Variants in NEK10 observed in about 807,000 individuals in gnomAD.
NEK10 encodes serine/threonine-protein kinase Nek10.
In NEK10, 122 loss-of-function variants were observed where a neutral mutation model predicts 159.8. That is an observed-to-expected ratio of 0.76 (90% CI 0.66 to 0.89). NEK10 has a LOEUF of 0.89. Among genes scored for constraint, NEK10 ranks in the 40% least tolerant of loss-of-function variants. NEK10 has a pLI of 0.00. For synonymous variants in NEK10, 466 were observed against 457.1 expected (o/e 1.02, Z -0.25); for missense variants, 1,342 against 1,323.1 (o/e 1.01, Z -0.22).
intron 32 of NEK10, among the ~76,000 whole-genome samples, chr3:27,120,378 C>T (rs1245760064): frequency 6.6e-6 from 1 of 151,060 alleles, no homozygotes; most frequent in Non-Finnish European, 1.5e-5. Context: ...GGCTGCAGTG[C>T]AGTGGCACAA....
chr3:27,340,683 C>T (rs745957188), intron 5 of NEK10, among the ~76,000 whole-genome samples: 1 of 152,054 alleles, frequency 6.6e-6, no homozygotes, highest in Non-Finnish European at 1.5e-5. Context: ...GTTAGAACAG[C>T]TATGATTAAA....
chr3:27,286,935 T>A (rs1446630550), intron 20 of NEK10, among the ~76,000 whole-genome samples: 2 of 151,946 alleles, frequency 1.3e-5, no homozygotes, highest in African/African-American at 4.8e-5. Flanking sequence ...TGGGTAAAAT[T>A]GTAACAAATG....
chr3:27,288,577 T>C lies in NEK10; in HGVS notation c.1744-834A>G, dbSNP rs530257687. Among the ~76,000 whole-genome samples the C allele has an allele frequency of 4.6e-5, 7 of 152,346 alleles. No homozygotes were observed. In the South Asian group the frequency reaches 1.0e-3, roughly 23 times the overall value. On this transcript the variant is annotated intron_variant, in intron 19 of 35. Transcript: ENST00000691995. ...AGAGTTGGGTTCAATCTCTCTCCTC[T>C]ATTACAATAGTTTGACTTCTATTGC...
chr3:27,278,716 A>T, intron 22 of NEK10: 5 of 984,706 alleles, frequency 5.1e-6, no homozygotes, highest in Non-Finnish European at 6.0e-6. Flanking sequence ...AGAGGAGGCA[A>T]GCGGACATGG....
In NEK10 at chr3:27,109,874, T is replaced by C. The variant is rs1939347732; in HGVS notation, c.*1398A>G. Among the ~76,000 whole-genome samples the C allele has an allele frequency of 6.6e-6, 1 of 152,192 alleles. No individual in the cohort carries two copies. Among genetic ancestry groups the C allele is most frequent in the South Asian group, 2.1e-4 (1 of 4,836 alleles). On this transcript the variant is annotated 3_prime_UTR_variant, in exon 36 of 36. Transcript: ENST00000691995. ...ATTGTTAATTTGGCTTAAAGAAAGA[T>C]CCATTGACAATCTTCAAAAGCATTA... is the stretch of plus-strand genomic sequence containing the variant.
In NEK10 at chr3:27,179,422, A is replaced by C. The variant is rs1947848987; in HGVS notation, c.2506-4589T>G. ...ATTAAATTAAATAAATTAGGGAATA[A>C]ATTGGTCATTACAATTCAATCTAAA... On this transcript the variant is annotated intron_variant, in intron 26 of 35. Transcript: ENST00000691995. Among the ~76,000 whole-genome samples the C allele has an allele frequency of 1.3e-5, 2 of 152,192 alleles. 1 individual carries two copies. Among genetic ancestry groups the C allele is most frequent in the South Asian group, 4.1e-4 (2 of 4,830 alleles).
At chr3:27,252,182 C>T (rs763299145) in intron 23 of NEK10, 5 of 499,530 alleles carry the variant, frequency 1.0e-5, no homozygotes, top group East Asian at 5.6e-5. Context: ...GAGAGACACA[C>T]TATAAGCCAA....
intron 23 of NEK10, among the ~76,000 whole-genome samples, chr3:27,212,854 A>G (rs1170360641): frequency 6.6e-6 from 1 of 152,186 alleles, no homozygotes. Flanking sequence ...ATTTCCCTCA[A>G]ACTAGAGTGT....
Position 27,174,750 on chromosome 3 carries a change from C to T in NEK10, c.2589G>A (p.Leu863=), listed in dbSNP as rs1365872857. 1 of 1,613,108 alleles carries T rather than the reference C, an allele frequency of 6.2e-7. No homozygotes were observed. The highest frequency in any genetic ancestry group is 1.7e-5 in the Admixed American group (1 of 59,822). ...AGGAGGCCTGGAAGCCTTCAGGGGG[C>T]AGGTCTGCGCTTTCTGAAAGTTCAC... is the stretch of plus-strand genomic sequence containing the variant. The part of the protein sequence containing the change: ...LKSELSESAD[L]PPEGFQASYG... The change falls in exon 27 of 36, where the codon CTG becomes CTA. Residue 863 remains leucine (L), a synonymous_variant. Transcript: ENST00000691995.
chr3:27,151,910 A>T (rs1204265815), intron 30 of NEK10, among the ~76,000 whole-genome samples: 1 of 152,202 alleles, frequency 6.6e-6, no homozygotes, highest in Non-Finnish European at 1.5e-5. Flanking sequence ...CTCAAAGACG[A>T]GGTCTTTGAA....
chr3:27,166,498 CA>C (rs2148837435), intron 29 of NEK10, among the ~76,000 whole-genome samples: 1 of 152,086 alleles, frequency 6.6e-6, no homozygotes, highest in Admixed American at 6.5e-5. Context: ...AAAGTAAAAC[CA>C]GATACAGATT....
At chr3:27,230,203 G>A (rs1053170946) in intron 23 of NEK10, among the ~76,000 whole-genome samples, 1 of 152,048 alleles carries the variant, frequency 6.6e-6, no homozygotes, top group Non-Finnish European at 1.5e-5. Flanking sequence ...AGAAGGGATT[G>A]GGATCCTATC....
intron 22 of NEK10, among the ~76,000 whole-genome samples, chr3:27,265,964 G>A (rs574430052): frequency 1.3e-4 from 20 of 151,816 alleles, no homozygotes; most frequent in African/African-American, 4.3e-4. Context: ...CCGCCACCAC[G>A]CCCGGCTAAT....
chr3:27,187,636 T>TA (rs1360448018), intron 26 of NEK10, among the ~76,000 whole-genome samples: 2 of 150,006 alleles, frequency 1.3e-5, no homozygotes, highest in African/African-American at 4.9e-5. Context: ...CACTGGGGGG[T>TA]AAAAAACATT....
At chr3:27,342,813 T>TAA (rs34235528) in intron 5 of NEK10, among the ~76,000 whole-genome samples, 5 of 147,846 alleles carry the variant, frequency 3.4e-5, no homozygotes, top group African/African-American at 5.0e-5. Flanking sequence ...GAGCTGGCTT[T>TAA]AAAAAAAAAA....
chr3:27,130,699 A>G (rs908583863), intron 32 of NEK10, among the ~76,000 whole-genome samples: 1 of 152,232 alleles, frequency 6.6e-6, no homozygotes, highest in Non-Finnish European at 1.5e-5. Flanking sequence ...CCTTAATAAG[A>G]ATAAAAAACC....
At chr3:27,263,261 G>A (rs940365851) in intron 22 of NEK10, among the ~76,000 whole-genome samples, 4 of 152,222 alleles carry the variant, frequency 2.6e-5, no homozygotes, top group South Asian at 2.1e-4. Flanking sequence ...CTAATCGGGG[G>A]TCAGGGACCC....
chr3:27,139,181 T>C (rs1943530633), intron 31 of NEK10, among the ~76,000 whole-genome samples: 1 of 152,154 alleles, frequency 6.6e-6, no homozygotes, highest in Non-Finnish European at 1.5e-5. Context: ...AAAAGAATTC[T>C]AAAACTTGGA....
At chr3:27,159,649 T>C (rs1318525616) in intron 30 of NEK10, among the ~76,000 whole-genome samples, 1 of 152,146 alleles carries the variant, frequency 6.6e-6, no homozygotes, top group Non-Finnish European at 1.5e-5. Context: ...TATTATTTAA[T>C]TGAAATAATT....
Sources: allele counts gnomAD v4.1 joint callset (sites outside exome capture counted in the v4.1 genomes callset), GRCh38; gene constraint gnomAD v4.1.1; transcripts MANE v1.5; gene names NCBI Gene and HGNC (gene_info 2026-07-23, HGNC 2026-07-21).